The following GRIK2 variants were observed in gnomAD, a reference collection of about 807,000 sequenced individuals.
GRIK2 encodes the protein glutamate ionotropic receptor kainate type subunit 2.
In GRIK2, 32 loss-of-function variants were observed where a neutral mutation model predicts 100.3. The ratio of observed to expected loss-of-function variants is 0.32; its 90% CI spans 0.24 to 0.43. The LOEUF is 0.43. Ranked by LOEUF, GRIK2 falls within the 20% of genes least tolerant of loss-of-function variation. GRIK2 has a pLI of 1.00. For missense variants in GRIK2, 843 were observed against 1,114.9 expected (o/e 0.76, Z 3.47); for synonymous variants, 417 against 389.4 (o/e 1.07, Z -0.83).
intron 12 of GRIK2, among the ~76,000 whole-genome samples, chr6:101,890,757 T>C (rs1037168290): frequency 6.6e-6 from 1 of 152,044 alleles, no homozygotes; most frequent in Non-Finnish European, 1.5e-5. Flanking sequence ...AACTGATAGA[T>C]TGTGTCAATA....
intron 2 of GRIK2, among the ~76,000 whole-genome samples, chr6:101,428,823 CA>C (rs772508755): frequency 4.3e-4 from 66 of 152,242 alleles, no homozygotes; most frequent in Non-Finnish European, 8.4e-4. Flanking sequence ...AGGTGGGTGA[CA>C]GGGGGTTAGA....
In GRIK2 at chr6:101,653,419, G is replaced by A. The variant is rs72954238; in HGVS notation, c.542-23204G>A. On this transcript the variant is annotated intron_variant, in intron 4 of 16. Coordinates refer to ENST00000369134, the MANE Select transcript of GRIK2 (RefSeq NM_021956.5). ...CCTGCGCCCTCACTCCCCACCACCT[G>A]ATCTCTCACTACCATGTTTCCTCCT... 4.9e-3 allele frequency among the ~76,000 whole-genome samples: 739 copies of A among 151,790 alleles called. 2 individuals carry two copies. The highest frequency in any genetic ancestry group is 8.9e-3 in the Non-Finnish European group (606 of 67,910).
At chr6:101,497,474 C>T (rs1365312486) in intron 2 of GRIK2, among the ~76,000 whole-genome samples, 1 of 88,834 alleles carries the variant, frequency 1.1e-5, no homozygotes, top group East Asian at 3.1e-4. Flanking sequence ...TCTATTCACT[C>T]TTATTGAGTT....
At chr6:101,480,701 T>G (rs1772482662) in intron 2 of GRIK2, among the ~76,000 whole-genome samples, 1 of 152,094 alleles carries the variant, frequency 6.6e-6, no homozygotes, top group Non-Finnish European at 1.5e-5. Context: ...GATTGCCAAC[T>G]CAAGATTGTA....
chr6:101,627,802 T>C (rs145751740), intron 4 of GRIK2, among the ~76,000 whole-genome samples: 1 of 152,294 alleles, frequency 6.6e-6, no homozygotes, highest in African/African-American at 2.4e-5. Context: ...TAACTACAGG[T>C]TGTCTGCTTT....
chr6:101,660,176 A>G (rs955940181), intron 4 of GRIK2, among the ~76,000 whole-genome samples: 4 of 151,820 alleles, frequency 2.6e-5, no homozygotes, highest in African/African-American at 9.7e-5. Flanking sequence ...ATTCCTTTTC[A>G]TTCTTTTTTC....
intron 2 of GRIK2, among the ~76,000 whole-genome samples, chr6:101,491,631 CATT>C (rs1773118587): frequency 6.6e-6 from 1 of 151,980 alleles, no homozygotes; most frequent in Non-Finnish European, 1.5e-5. Context: ...TTTTCTATCT[CATT>C]ATTGAAGCAT....
At chr6:101,427,361 T>C (rs188667920) in intron 2 of GRIK2, among the ~76,000 whole-genome samples, 1 of 152,326 alleles carries the variant, frequency 6.6e-6, no homozygotes, top group Non-Finnish European at 1.5e-5. Context: ...ATCTAAATAA[T>C]CCTGTTTTGG....
At chr6:102,020,080 G>A (rs1410764337) in intron 14 of GRIK2, among the ~76,000 whole-genome samples, 1 of 151,924 alleles carries the variant, frequency 6.6e-6, no homozygotes, top group Admixed American at 6.6e-5. Flanking sequence ...TAGAAATAAT[G>A]TAGAGTCCTT....
intron 2 of GRIK2, among the ~76,000 whole-genome samples, chr6:101,403,894 A>ACTTTGG (rs1407975215): frequency 6.6e-6 from 1 of 152,144 alleles, no homozygotes; most frequent in Non-Finnish European, 1.5e-5. Context: ...CGCCAACACA[A>ACTTTGG]CGATCACACT....
chr6:101,886,278 T>G (rs565354894), intron 11 of GRIK2, among the ~76,000 whole-genome samples: 70 of 152,302 alleles, frequency 4.6e-4, no homozygotes, highest in African/African-American at 1.5e-3. Context: ...AAAGCTCATT[T>G]ATTTTTATAA....
At chr6:101,646,013 C>CT (rs1215100289) in intron 4 of GRIK2, among the ~76,000 whole-genome samples, 1 of 151,852 alleles carries the variant, frequency 6.6e-6, no homozygotes, top group Non-Finnish European at 1.5e-5. Context: ...TCTGCCATTT[C>CT]TTTTTGCATT....
intron 4 of GRIK2, among the ~76,000 whole-genome samples, chr6:101,674,144 C>T (rs1473430284): frequency 6.6e-6 from 1 of 152,088 alleles, no homozygotes; most frequent in Non-Finnish European, 1.5e-5. Flanking sequence ...GACTGCTATG[C>T]CAAAGTGGTT....
At chr6:101,810,718 AG>A (rs1207130578) in intron 9 of GRIK2, among the ~76,000 whole-genome samples, 2 of 151,376 alleles carry the variant, frequency 1.3e-5, no homozygotes, top group Admixed American at 1.3e-4. Context: ...TTCGGTGTCA[AG>A]GGTTATTAGA....
chr6:101,985,717 G>T (rs932763879), intron 14 of GRIK2, among the ~76,000 whole-genome samples: 5 of 151,810 alleles, frequency 3.3e-5, no homozygotes, highest in Admixed American at 2.6e-4. Flanking sequence ...AGTCTTAAAA[G>T]AAGGTTCTTA....
At chr6:101,640,890 TAAAC>T (rs888959192) in intron 4 of GRIK2, among the ~76,000 whole-genome samples, 6 of 152,130 alleles carry the variant, frequency 3.9e-5, no homozygotes, top group African/African-American at 1.4e-4. Flanking sequence ...ATCAATATGA[TAAAC>T]AAAGGCATCA....
Position 102,068,476 on chromosome 6 carries a change from G to A in GRIK2, c.2692G>A (p.Asp898Asn), listed in dbSNP as rs751533944. The A allele has an allele frequency of 1.1e-5, 17 of 1,611,720 alleles. No homozygotes were observed. The highest frequency in any genetic ancestry group is 8.0e-5 in the African/African-American group (6 of 74,736). ...AGTTATCAACATGCACACATTTAAC[G>A]ACAGAAGGTTGCCAGGTAAAGAAAC... The part of the protein sequence containing the change: ...EEVINMHTFN[D>N]RRLPGKETMA Residue 898 changes from aspartate to asparagine, a missense_variant, in exon 17 of 17, where the codon GAC becomes AAC. By Grantham distance (23) the Asp-to-Asn change is conservative. Transcript: ENST00000369134.
intron 2 of GRIK2, among the ~76,000 whole-genome samples, chr6:101,618,934 T>A (rs1290383305): frequency 6.6e-6 from 1 of 150,604 alleles, no homozygotes; most frequent in Non-Finnish European, 1.5e-5. Context: ...TAAAGTCTCA[T>A]TATTTTATTG....
intron 14 of GRIK2, among the ~76,000 whole-genome samples, chr6:102,012,122 C>T (rs1457297236): frequency 6.6e-6 from 1 of 151,888 alleles, no homozygotes; most frequent in Non-Finnish European, 1.5e-5. Context: ...CTTTGTATTG[C>T]CTTTTTTCCT....
Sources: allele counts gnomAD v4.1 joint callset (sites outside exome capture counted in the v4.1 genomes callset), GRCh38; gene constraint gnomAD v4.1.1; transcripts MANE v1.5; gene names NCBI Gene and HGNC (gene_info 2026-07-23, HGNC 2026-07-21).